The following CLVS1 variants were observed in gnomAD, a reference collection of about 807,000 sequenced individuals.
The protein encoded by CLVS1 is clavesin 1, also known as clavesin-1.
A neutral mutation model predicts 33.1 loss-of-function variants in CLVS1; 10 were observed. The observed-to-expected ratio is 0.30, with a 90% CI of 0.19 to 0.51. The LOEUF (loss-of-function observed/expected upper bound fraction) is 0.51, where lower values mean the gene tolerates loss of function less well. CLVS1 is among the 20% of genes least tolerant of loss of function. CLVS1 has a pLI of 0.97. For missense variants in CLVS1, 343 were observed against 433.4 expected (o/e 0.79, Z 1.85); for synonymous variants, 163 against 166.1 (o/e 0.98, Z 0.14).
rs550359522 is a variant in CLVS1, at chr8:61,194,059, AAG to A, written c.-152+62202_-152+62203del. On this transcript the variant is annotated intron_variant, in intron 2 of 2. Coordinates refer to the CLVS1 transcript ENST00000522621. ...GGATAGATAAATACTATATAAGAGA[AAG>A]AGGGTATTCATTTCAAAGTCATAGT... Among the ~76,000 whole-genome samples the A allele has an allele frequency of 1.1e-4, 7 of 63,384 alleles. No homozygotes were observed. In the East Asian group the frequency reaches 1.5e-3, roughly 14 times the overall value. 41.6% of individuals were successfully genotyped at this position (63,384 alleles called of 152,430 possible).
chr8:61,392,251 G>A (rs1814332341), intron 3 of CLVS1, among the ~76,000 whole-genome samples: 1 of 149,588 alleles, frequency 6.7e-6, no homozygotes, highest in Admixed American at 6.6e-5. Context: ...AGGATCTCTT[G>A]AGACAAGGAG....
chr8:61,246,664 G>A (rs1236760641), intron 2 of CLVS1, among the ~76,000 whole-genome samples: 2 of 151,904 alleles, frequency 1.3e-5, no homozygotes, highest in African/African-American at 4.8e-5. Context: ...ATGGCTCTTA[G>A]TGTCTTAAAA....
intron 1 of CLVS1, among the ~76,000 whole-genome samples, chr8:61,070,290 TC>T: frequency 6.6e-6 from 1 of 152,344 alleles, no homozygotes; most frequent in African/African-American, 2.4e-5. Flanking sequence ...TTTAGCTTTA[TC>T]CTCAGGGCCT....
intron 2 of CLVS1, among the ~76,000 whole-genome samples, chr8:61,177,336 G>A (rs1284624577): frequency 6.6e-6 from 1 of 152,142 alleles, no homozygotes; most frequent in Admixed American, 6.5e-5. Flanking sequence ...TGATCTCACT[G>A]GGCCTGAGCC....
At chr8:61,003,057 G>T in the CLVS1 span, among the ~76,000 whole-genome samples, 3 of 152,176 alleles carry the variant, frequency 2.0e-5, no homozygotes, top group African/African-American at 7.2e-5. Flanking sequence ...ACAGTTAAAA[G>T]GCAGACAGAT....
chr8:61,141,746 C>G (rs1806311397), intron 2 of CLVS1, among the ~76,000 whole-genome samples: 1 of 152,192 alleles, frequency 6.6e-6, no homozygotes, highest in African/African-American at 2.4e-5. Flanking sequence ...CCACATTTCA[C>G]TTGATAATTT....
chr8:61,230,517 G>C (rs761750192), intron 2 of CLVS1, among the ~76,000 whole-genome samples: 12 of 152,216 alleles, frequency 7.9e-5, no homozygotes, highest in Non-Finnish European at 8.8e-5. Context: ...ATTGTGGCTG[G>C]AGCACAAGAA....
intron 2 of CLVS1, among the ~76,000 whole-genome samples, chr8:61,306,082 T>G (rs868180128): frequency 2.0e-5 from 3 of 152,200 alleles, no homozygotes; most frequent in Admixed American, 2.0e-4. Flanking sequence ...TCAAGTGGTA[T>G]TTCTGTCTTC....
chr8:61,041,312 T>C, the CLVS1 span, among the ~76,000 whole-genome samples: 1 of 151,856 alleles, frequency 6.6e-6, no homozygotes, highest in Non-Finnish European at 1.5e-5. Context: ...TATTCAGGCT[T>C]TTTTTTTGGT....
At chr8:61,404,675 A>G (rs2129603713) in intron 3 of CLVS1, among the ~76,000 whole-genome samples, 1 of 152,328 alleles carries the variant, frequency 6.6e-6, no homozygotes, top group Admixed American at 6.5e-5. Flanking sequence ...GAATAAATTA[A>G]AGAGAGGGAA....
At chr8:61,225,087 C>G (rs1193048394) in intron 2 of CLVS1, among the ~76,000 whole-genome samples, 4 of 152,090 alleles carry the variant, frequency 2.6e-5, no homozygotes, top group African/African-American at 9.7e-5. Context: ...GAGGCTGAGG[C>G]GGGTGGATCG....
At chr8:61,438,523 T>C (rs1415274135) in intron 3 of CLVS1, among the ~76,000 whole-genome samples, 1 of 152,206 alleles carries the variant, frequency 6.6e-6, no homozygotes, top group Non-Finnish European at 1.5e-5. Flanking sequence ...GAATGATATA[T>C]ATTCCTTTGG....
At chr8:61,485,539 A>G (rs1803845303) in intron 5 of CLVS1, among the ~76,000 whole-genome samples, 1 of 152,252 alleles carries the variant, frequency 6.6e-6, no homozygotes, top group Admixed American at 6.5e-5. Flanking sequence ...CAGTGTGGCG[A>G]TTCTTTGATG....
chr8:61,231,823 C>A (rs1417987637), intron 2 of CLVS1, among the ~76,000 whole-genome samples: 1 of 152,080 alleles, frequency 6.6e-6, no homozygotes, highest in Non-Finnish European at 1.5e-5. Context: ...CCAGTAGGGA[C>A]CCATCCCTAG....
intron 3 of CLVS1, among the ~76,000 whole-genome samples, chr8:61,422,452 C>A (rs10216571): frequency 3.9e-5 from 6 of 152,032 alleles, no homozygotes; most frequent in Admixed American, 1.3e-4. Context: ...GATCATAGTC[C>A]GTGCACAAAG....
At chr8:61,053,289 G>C (rs1291447850), upstream of CLVS1, among the ~76,000 whole-genome samples, 1 of 152,220 alleles carries the variant, frequency 6.6e-6, no homozygotes, top group East Asian at 1.9e-4. Context: ...AGTGCAGGTA[G>C]AGGCTAGAAG....
In CLVS1 at chr8:61,301,197, A is replaced by G. The variant is rs193292677; in HGVS notation, c.455+915A>G. ...AAGGTTCTTATGATCCGCCTTCTGCATTTCCTGCTCTGCTTCATCTTCTGA... is the reference window on the plus strand; with the variant it reads ...AAGGTTCTTATGATCCGCCTTCTGCGTTTCCTGCTCTGCTTCATCTTCTGA... On this transcript the variant is annotated intron_variant, in intron 2 of 5. Coordinates refer to ENST00000325897, the MANE Select transcript of CLVS1 (RefSeq NM_173519.3). 5.3e-5 allele frequency: 8 copies of G among 152,360 alleles called. 1 individual carries two copies. In the East Asian group the frequency reaches 1.5e-3, roughly 29 times the overall value. 9.4% of individuals were successfully genotyped at this position (152,360 alleles called of 1,614,324 possible).
chr8:61,260,898 AG>A (rs1186251510), intron 2 of CLVS1, among the ~76,000 whole-genome samples: 1 of 152,200 alleles, frequency 6.6e-6, no homozygotes, highest in East Asian at 1.9e-4. Flanking sequence ...AGAAACACAA[AG>A]CTTTGCAAAC....
At chr8:61,352,061 T>A (rs1812493200) in intron 2 of CLVS1, among the ~76,000 whole-genome samples, 1 of 152,036 alleles carries the variant, frequency 6.6e-6, no homozygotes, top group African/African-American at 2.4e-5. Flanking sequence ...GTTTTATAAA[T>A]CATATTTGAT....
Sources: gnomAD v4.1 joint callset for allele counts (sites outside exome capture counted in the v4.1 genomes callset) on GRCh38, gnomAD v4.1.1 for gene constraint, MANE v1.5 for transcripts, NCBI Gene and HGNC (gene_info 2026-07-23, HGNC 2026-07-21) for gene names.